AFF3: variants seen among roughly 807,000 people sequenced by gnomAD.
The protein encoded by AFF3 is AF4/FMR2 family member 3.
A neutral mutation model predicts 129.7 loss-of-function variants in AFF3; 32 were observed. The observed-to-expected ratio is 0.25, with a 90% confidence interval of 0.19 to 0.33. The LOEUF (loss-of-function observed/expected upper bound fraction) is 0.33, where lower values mean the gene tolerates loss of function less well. AFF3 is among the 10% of genes least tolerant of loss of function. The probability of loss-of-function intolerance (pLI) is 1.00; values close to 1 mark genes in which losing one functional copy is unlikely to be tolerated. For missense variants in AFF3, 1,373 were observed against 1,592.0 expected (o/e 0.86, Z 2.34); for synonymous variants, 644 against 635.4 (o/e 1.01, Z -0.20).
At chr2:99,978,342 T>C (rs1388137795) in intron 7 of AFF3, among the ~76,000 whole-genome samples, 1 of 148,604 alleles carries the variant, frequency 6.7e-6, no homozygotes, top group Non-Finnish European at 1.5e-5. Context: ...AAGCTCAATA[T>C]GGAAAAATTA....
At chr2:99,757,372 C>A (rs1391020822) in intron 8 of AFF3, among the ~76,000 whole-genome samples, 3 of 152,204 alleles carry the variant, frequency 2.0e-5, no homozygotes, top group Admixed American at 6.5e-5. Flanking sequence ...TTAATGGCAG[C>A]AACATCTATT....
Position 99,734,304 on chromosome 2 carries a change from G to A in AFF3, c.1040-7176C>T, listed in dbSNP as rs138383780. On this transcript the variant is annotated intron_variant, in intron 10 of 24. Transcript: ENST00000672756. ...ATCCTAATAATCTGTAGATTCTTTTGAGTTTTCTGCATAAACAATATAATT... is the reference window on the plus strand; with the variant it reads ...ATCCTAATAATCTGTAGATTCTTTTAAGTTTTCTGCATAAACAATATAATT... 2.0e-4 allele frequency among the ~76,000 whole-genome samples: 30 copies of A among 152,086 alleles called. 1 individual carries two copies. The highest frequency in any genetic ancestry group is 1.7e-3 in the South Asian group (8 of 4,816).
At chr2:99,689,885 G>A (rs1418205192) in intron 11 of AFF3, among the ~76,000 whole-genome samples, 5 of 151,446 alleles carry the variant, frequency 3.3e-5, no homozygotes, top group African/African-American at 1.2e-4. Flanking sequence ...TCAGGAGTTC[G>A]AGACCAGCAT....
chr2:99,575,066 C>T (rs1474939981), intron 18 of AFF3, among the ~76,000 whole-genome samples: 1 of 152,142 alleles, frequency 6.6e-6, no homozygotes, highest in Non-Finnish European at 1.5e-5. Context: ...GTGCCTCTCT[C>T]TCCCCTGAAG....
chr2:99,615,382 C>T (rs543760278), intron 13 of AFF3, among the ~76,000 whole-genome samples: 5 of 152,254 alleles, frequency 3.3e-5, no homozygotes, highest in Non-Finnish European at 7.3e-5. Context: ...GTTTGAGAGA[C>T]TGTGACAAGC....
intron 20 of AFF3, among the ~76,000 whole-genome samples, chr2:99,560,979 G>T (rs1675414560): frequency 6.6e-6 from 1 of 152,154 alleles, no homozygotes; most frequent in African/African-American, 2.4e-5. Flanking sequence ...GGCTTTTATG[G>T]ACTGCACTTA....
At chr2:99,571,280 A>G (rs1272752493) in intron 18 of AFF3, among the ~76,000 whole-genome samples, 1 of 152,172 alleles carries the variant, frequency 6.6e-6, no homozygotes, top group Non-Finnish European at 1.5e-5. Context: ...ACTCTAGTAT[A>G]TAAGTTAGGT....
At chr2:100,007,508 C>T in intron 5 of AFF3, 48 bp from the exon 6 acceptor site, 3 of 1,526,334 alleles carry the variant, frequency 2.0e-6, no homozygotes, top group Non-Finnish European at 2.7e-6. Context: ...ACAACAGAAA[C>T]ACCGGAGATA....
At chr2:100,083,117 G>A (rs1689152700) in intron 4 of AFF3, among the ~76,000 whole-genome samples, 1 of 152,062 alleles carries the variant, frequency 6.6e-6, no homozygotes, top group Non-Finnish European at 1.5e-5. Flanking sequence ...AAAATAAAAT[G>A]AAATAAAATG....
chr2:100,071,764 T>C (rs1688205696), intron 4 of AFF3, among the ~76,000 whole-genome samples: 1 of 152,152 alleles, frequency 6.6e-6, no homozygotes, highest in East Asian at 1.9e-4. Context: ...TGCTACTTTC[T>C]TTACAAAACC....
At chr2:99,754,324 T>C (rs1054028048) in intron 8 of AFF3, among the ~76,000 whole-genome samples, 8 of 152,210 alleles carry the variant, frequency 5.3e-5, no homozygotes, top group Admixed American at 2.6e-4. Context: ...AGCCACTCAA[T>C]AGCTTCCTTT....
chr2:99,572,350 G>A lies in AFF3; in HGVS notation c.2919-3435C>T, dbSNP rs553584186. Among the ~76,000 whole-genome samples, 3 of 130,734 alleles carry A rather than the reference G, an allele frequency of 2.3e-5. No individual in the cohort carries two copies. In the East Asian group the frequency reaches 6.8e-4, roughly 29 times the overall value. 85.8% of individuals were successfully genotyped at this position (130,734 alleles called of 152,430 possible). A position where few individuals can be genotyped will look rare whatever the true frequency, so the allele number is the denominator to read the frequency against. ...TTGGTTCTCAGCAGCATCAGGGTTT[G>A]AGCTACCCCCATATTTCTTCTGGCA... On this transcript the variant is annotated intron_variant, in intron 18 of 24. Coordinates refer to ENST00000672756, the MANE Select transcript of AFF3 (RefSeq NM_001386135.1).
intron 1 of AFF3, among the ~76,000 whole-genome samples, chr2:100,137,225 C>A (rs1692673292): frequency 6.6e-6 from 1 of 152,160 alleles, no homozygotes; most frequent in Admixed American, 6.5e-5. Context: ...TTTAATATGA[C>A]AGGATTTCAT....
chr2:99,609,648 C>T (rs1167939679), intron 13 of AFF3, among the ~76,000 whole-genome samples: 1 of 152,188 alleles, frequency 6.6e-6, no homozygotes, highest in African/African-American at 2.4e-5. Context: ...GATCAGTCCA[C>T]TTATTTAAAA....
intron 7 of AFF3, among the ~76,000 whole-genome samples, chr2:99,943,102 C>G (rs1335943276): frequency 2.6e-5 from 4 of 152,144 alleles, no homozygotes; most frequent in African/African-American, 9.7e-5. Flanking sequence ...CATTCCTGTT[C>G]GAGGTTTGCC....
At chr2:99,684,373 C>T (rs1159660472) in intron 11 of AFF3, among the ~76,000 whole-genome samples, 1 of 152,194 alleles carries the variant, frequency 6.6e-6, no homozygotes, top group African/African-American at 2.4e-5. Context: ...TCTCCCCTCC[C>T]CCTGCAGCTG....
chr2:99,970,559 G>A (rs771076330), intron 7 of AFF3, among the ~76,000 whole-genome samples: 1 of 152,154 alleles, frequency 6.6e-6, no homozygotes. Context: ...TCAACGACAA[G>A]CTTCCCTTCA....
At chr2:100,000,295 A>G (rs1476032035) in intron 7 of AFF3, among the ~76,000 whole-genome samples, 1 of 152,206 alleles carries the variant, frequency 6.6e-6, no homozygotes, top group East Asian at 1.9e-4. Flanking sequence ...ACTATAGATA[A>G]TAATAGCTCA....
At chr2:99,715,760 C>T (rs966822482) in intron 11 of AFF3, among the ~76,000 whole-genome samples, 2 of 151,696 alleles carry the variant, frequency 1.3e-5, no homozygotes, top group Non-Finnish European at 2.9e-5. Context: ...CAAGCTCCGC[C>T]TCCCAGGTTC....
Sources: allele counts gnomAD v4.1 joint callset (sites outside exome capture counted in the v4.1 genomes callset), GRCh38; gene constraint gnomAD v4.1.1; transcripts MANE v1.5; gene names NCBI Gene and HGNC (gene_info 2026-07-23, HGNC 2026-07-21).